Variants in PAK6 observed in about 807,000 individuals in gnomAD.
PAK6 encodes serine/threonine-protein kinase PAK 6.
A neutral mutation model predicts 60.8 loss-of-function variants in PAK6; 33 were observed. The ratio of observed to expected loss-of-function variants is 0.54; its 90% confidence interval spans 0.41 to 0.73. PAK6 has a LOEUF of 0.73. Ranked by LOEUF, PAK6 falls within the 30% of genes least tolerant of loss-of-function variation. The pLI is 0.00. For missense variants in PAK6, 845 were observed against 904.1 expected (o/e 0.93, Z 0.84); for synonymous variants, 404 against 378.5 (o/e 1.07, Z -0.78).
chr15:40,248,938 T>A (rs1190088966), intron 2 of PAK6, among the ~76,000 whole-genome samples: 1 of 152,206 alleles, frequency 6.6e-6, no homozygotes, highest in Admixed American at 6.5e-5. Flanking sequence ...GCTCCTCCCC[T>A]CAGTAACTGG....
chr15:40,256,617 A>G (rs2038841107), intron 3 of PAK6, among the ~76,000 whole-genome samples: 1 of 152,172 alleles, frequency 6.6e-6, no homozygotes, highest in African/African-American at 2.4e-5. Flanking sequence ...CCTGAGAATA[A>G]CAGAGGGTGG....
intron 2 of PAK6, chr15:40,245,875 G>C (rs2038482216): frequency 6.6e-6 from 1 of 152,438 alleles, no homozygotes; most frequent in Admixed American, 6.5e-5. Context: ...AGCAGCCACT[G>C]GGTAACTTGA....
chr15:40,268,256 G>A (rs1042314734), intron 5 of PAK6, among the ~76,000 whole-genome samples: 4 of 152,124 alleles, frequency 2.6e-5, no homozygotes, highest in Non-Finnish European at 5.9e-5. Context: ...GAGCTGCTCC[G>A]GGCCGGGGCT....
chr15:40,273,923 T>C (rs1436876374), intron 9 of PAK6: 2 of 669,730 alleles, frequency 3.0e-6, no homozygotes, highest in Non-Finnish European at 5.1e-6. Flanking sequence ...CTATGTATGA[T>C]GGCCTTTCTC....
At chr15:40,270,260 G>A (rs899179126) in intron 5 of PAK6, among the ~76,000 whole-genome samples, 2 of 152,086 alleles carry the variant, frequency 1.3e-5, no homozygotes, top group African/African-American at 4.8e-5. Context: ...ATGGCCATGC[G>A]CCCTCCACCC....
chr15:40,246,703 C>T (rs1403004981), intron 2 of PAK6: 1 of 152,274 alleles, frequency 6.6e-6, no homozygotes, highest in African/African-American at 2.4e-5. Context: ...ATACATGTCC[C>T]AGCAGGCCAA....
intron 3 of PAK6, chr15:40,259,350 G>A (rs963786571): frequency 1.3e-5 from 2 of 152,336 alleles, no homozygotes; most frequent in Non-Finnish European, 2.9e-5. Context: ...TGAGGACACA[G>A]CCTGATGCTG....
chr15:40,241,553 G>A (rs1280047610), intron 2 of PAK6, among the ~76,000 whole-genome samples: 1 of 152,180 alleles, frequency 6.6e-6, no homozygotes, highest in Admixed American at 6.5e-5. Context: ...GCTTGGAGGT[G>A]GCACCTGGGA....
intron 5 of PAK6, 34 bp downstream of exon 5, chr15:40,266,529 G>A (rs1437699398): frequency 1.3e-6 from 2 of 1,555,098 alleles, no homozygotes; most frequent in Non-Finnish European, 1.7e-6. Context: ...GGTGTCCACT[G>A]GGGAGTGGGT....
chr15:40,241,626 C>T (rs559882202), intron 2 of PAK6, among the ~76,000 whole-genome samples: 2 of 152,296 alleles, frequency 1.3e-5, no homozygotes, highest in South Asian at 4.1e-4. Flanking sequence ...CTTCTGGGAG[C>T]AGCTGATTTG....
Position 40,254,972 on chromosome 15 carries a change from TGTTGTGAGTGTAAA to T in PAK6, c.-6+1695_-6+1708del, listed in dbSNP as rs531724542. 9.0e-4 allele frequency among the ~76,000 whole-genome samples: 137 copies of T among 152,042 alleles called. No individual in the cohort carries two copies. In the East Asian group the frequency reaches 9.7e-3, roughly 11 times the overall value. ...GCAGGTTCAGCCCAACTCACAATGG[TGTTGTGAGTGTAAA>T]GTTGTGAGTGTTAAGGAGGTGAAAT... On this transcript the variant is annotated intron_variant, in intron 3 of 10. Transcript: ENST00000560346.
At chr15:40,268,086 G>C (rs1337386378) in intron 5 of PAK6, among the ~76,000 whole-genome samples, 1 of 152,184 alleles carries the variant, frequency 6.6e-6, no homozygotes, top group Admixed American at 6.5e-5. Flanking sequence ...GGTATGCCGG[G>C]ATGTCCCCCA....
At chr15:40,253,400 G>C in intron 3 of PAK6, 111 bp downstream of exon 3, 2 of 396,766 alleles carry the variant, frequency 5.0e-6, no homozygotes, top group Non-Finnish European at 1.0e-5. Flanking sequence ...CTCCTTCCTG[G>C]TACTGCTAGG....
intron 10 of PAK6, among the ~76,000 whole-genome samples, chr15:40,274,781 G>A (rs1157409819): frequency 6.6e-6 from 1 of 152,228 alleles, no homozygotes; most frequent in Non-Finnish European, 1.5e-5. Context: ...TAAGTGCATG[G>A]AAGTGTATAC....
chr15:40,245,119 T>C (rs72731464), intron 2 of PAK6: 3 of 152,344 alleles, frequency 2.0e-5, no homozygotes, highest in Non-Finnish European at 2.9e-5. Flanking sequence ...ACTCAGCTCT[T>C]TGGGCCTCTT....
chr15:40,265,136 G>A lies in PAK6; in HGVS notation c.204+147G>A, dbSNP rs2039086701. 3.8e-6 allele frequency: 3 copies of A among 785,710 alleles called. No individual in the cohort carries two copies. In the Admixed American group the frequency reaches 8.9e-5, roughly 23 times the overall value. The allele number at this position is 785,710 out of a possible 1,614,324, so 48.7% of individuals were successfully genotyped here. On this transcript the variant is annotated intron_variant, in intron 4 of 10. Coordinates refer to ENST00000560346, the Ensembl canonical transcript of PAK6. ...GTTTTAACTCCCTGCCTGTCAGCCT[G>A]CCATTCTCTCCCTGGGTAAGCCAGG...
Position 40,264,777 on chromosome 15 carries a change from A to G in PAK6, c.-5-4A>G, listed in dbSNP as rs1330980792. On this transcript the variant is annotated splice_polypyrimidine_tract_variant and splice_region_variant and intron_variant, in intron 3 of 10. Transcript: ENST00000560346. Reference sequence around the variant, plus strand: ...GGGAGCTCAACCTTACTCTGCACTTACAGGCACCATGTTCCGCAAGAAAAA... The same window carrying G: ...GGGAGCTCAACCTTACTCTGCACTTGCAGGCACCATGTTCCGCAAGAAAAA... 1 of 1,610,920 alleles carries G rather than the reference A, an allele frequency of 6.2e-7. No homozygotes were observed. The highest frequency in any genetic ancestry group is 2.2e-5 in the East Asian group (1 of 44,890).
chr15:40,266,258 G>GC lies in PAK6; in HGVS notation c.627dup (p.Thr210HisfsTer5). On this transcript the variant is annotated frameshift_variant, in exon 5 of 11. Coordinates refer to ENST00000560346, the Ensembl canonical transcript of PAK6. LOFTEE classifies it high-confidence loss of function. Reference sequence around the variant, plus strand: ...TGCAGAGCTCCCCACCAGGAGCCTCGCCCCCCACGGGCACCAATAGGCATG... The same window carrying GC: ...TGCAGAGCTCCCCACCAGGAGCCTCGCCCCCCCACGGGCACCAATAGGCATG... The GC allele has an allele frequency of 6.2e-7, 1 of 1,610,626 alleles. No homozygotes were observed. Among genetic ancestry groups the GC allele is most frequent in the Non-Finnish European group, 8.5e-7 (1 of 1,179,860 alleles).
intron 2 of PAK6, chr15:40,250,812 C>T (rs1303135833): frequency 6.6e-6 from 1 of 152,368 alleles, no homozygotes; most frequent in African/African-American, 2.4e-5. Flanking sequence ...TTTAGGGTGT[C>T]GATTCTAGGT....
Sources: gnomAD v4.1 joint callset for allele counts (sites outside exome capture counted in the v4.1 genomes callset) on GRCh38, gnomAD v4.1.1 for gene constraint, MANE v1.5 for transcripts, NCBI Gene and HGNC (gene_info 2026-07-23, HGNC 2026-07-21) for gene names.